The following BMP6 variants were observed in gnomAD, a reference collection of about 807,000 sequenced individuals.
BMP6 encodes VG-1-R.
A neutral mutation model predicts 54.1 loss-of-function variants in BMP6; 17 were observed. The ratio of observed to expected loss-of-function variants is 0.31; its 90% CI spans 0.22 to 0.47. The LOEUF is 0.47. Ranked by LOEUF, BMP6 falls within the 20% of genes least tolerant of loss-of-function variation. The pLI is 1.00. For synonymous variants in BMP6, 328 were observed against 291.2 expected (o/e 1.13, Z -1.28); for missense variants, 720 against 690.4 (o/e 1.04, Z -0.48).
intron 1 of BMP6, among the ~76,000 whole-genome samples, chr6:7,779,687 A>T (rs530402255): frequency 6.6e-6 from 1 of 152,176 alleles, no homozygotes; most frequent in Non-Finnish European, 1.5e-5. Context: ...TTACTCTTAC[A>T]TAGAACATTC....
chr6:7,733,342 A>G (rs1234563643), intron 1 of BMP6, among the ~76,000 whole-genome samples: 1 of 152,234 alleles, frequency 6.6e-6, no homozygotes, highest in African/African-American at 2.4e-5. Context: ...AGTAGTGGGA[A>G]GAAAAGTAGA....
chr6:7,777,141 T>C (rs887222498), intron 1 of BMP6, among the ~76,000 whole-genome samples: 1 of 152,292 alleles, frequency 6.6e-6, no homozygotes, highest in Middle Eastern at 3.4e-3. Flanking sequence ...AGCAAGGATA[T>C]CTTCCACCTG....
intron 1 of BMP6, among the ~76,000 whole-genome samples, chr6:7,824,487 A>C (rs1758662051): frequency 1.3e-5 from 2 of 152,184 alleles, no homozygotes; most frequent in South Asian, 4.1e-4. Context: ...GTGATCTTTT[A>C]GTTTATCTCA....
At chr6:7,835,835 A>ATT (rs70982111) in intron 1 of BMP6, among the ~76,000 whole-genome samples, 186 of 146,784 alleles carry the variant, frequency 1.3e-3, no homozygotes, top group African/African-American at 3.4e-3. Flanking sequence ...CATCTCCCCA[A>ATT]TTTTTTTTTT....
chr6:7,745,943 A>G (rs899443566), intron 1 of BMP6, among the ~76,000 whole-genome samples: 2 of 151,820 alleles, frequency 1.3e-5, no homozygotes, highest in Admixed American at 1.3e-4. Context: ...ATTCCAGCCT[A>G]GGTGGCAAGA....
At chr6:7,734,095 G>T (rs926125186) in intron 1 of BMP6, among the ~76,000 whole-genome samples, 1 of 152,144 alleles carries the variant, frequency 6.6e-6, no homozygotes, top group East Asian at 1.9e-4. Flanking sequence ...ATGTGAATAT[G>T]TAGTATTTCA....
chr6:7,823,689 AGCT>A (rs1475098034), intron 1 of BMP6, among the ~76,000 whole-genome samples: 5 of 152,142 alleles, frequency 3.3e-5, no homozygotes, highest in African/African-American at 1.2e-4. Context: ...GGAGAGAGAA[AGCT>A]GTGTGGCTGT....
intron 1 of BMP6, among the ~76,000 whole-genome samples, chr6:7,794,484 C>T (rs1003541398): frequency 5.9e-5 from 9 of 151,774 alleles, no homozygotes; most frequent in African/African-American, 2.2e-4. Flanking sequence ...CCTTTAGACC[C>T]AGCTCCTCCA....
chr6:7,783,549 G>A (rs926521914), intron 1 of BMP6, among the ~76,000 whole-genome samples: 20 of 152,326 alleles, frequency 1.3e-4, no homozygotes, highest in African/African-American at 3.4e-4. Context: ...AAAACAATTC[G>A]TAAGAACTAT....
rs1270040536 is a variant in BMP6 at position 7,727,553 on chromosome 6, C to G, written c.598C>G (p.Leu200Val). 1 of 1,593,772 alleles carries G rather than the reference C, an allele frequency of 6.3e-7. No homozygotes were observed. The highest frequency in any genetic ancestry group is 1.3e-5 in the African/African-American group (1 of 74,496). The change falls in exon 1 of 7, where the codon CTG becomes GTG. Residue 200 changes from leucine to valine, a missense_variant. Physicochemically the swap from Leu to Val is conservative, Grantham distance 32. This residue lies in a region of BMP6 where 650 missense variants were observed against 556.3 expected (regional missense o/e 1.17). Coordinates refer to ENST00000283147, the MANE Select transcript of BMP6 (RefSeq NM_001718.6). Reference protein sequence around the residue: ...PGSGSGGASPLTSAQDSAFLN... With the variant: ...PGSGSGGASPVTSAQDSAFLN... ...ATCTGGCAGCGGCGGCGCGTCCCCA[C>G]TGACCAGCGCGCAGGACAGCGCCTT...
intron 1 of BMP6, among the ~76,000 whole-genome samples, chr6:7,800,999 G>T (rs1467430230): frequency 6.6e-5 from 10 of 151,978 alleles, no homozygotes; most frequent in Non-Finnish European, 4.4e-5. Context: ...CTTGCTGCAG[G>T]TACCTAAGTT....
intron 1 of BMP6, among the ~76,000 whole-genome samples, chr6:7,784,156 G>C (rs944179656): frequency 6.6e-5 from 10 of 151,956 alleles, no homozygotes; most frequent in African/African-American, 2.4e-4. Context: ...TTTATTTCTA[G>C]CCTGCTTACT....
chr6:7,856,251 T>C (rs946695846), intron 2 of BMP6, among the ~76,000 whole-genome samples: 5 of 152,220 alleles, frequency 3.3e-5, no homozygotes, highest in African/African-American at 1.2e-4. Flanking sequence ...TTCAAATATA[T>C]GATGCCTTTT....
Position 7,759,702 on chromosome 6 carries a change from T to C in BMP6, c.664+32083T>C, listed in dbSNP as rs1250153624. ...GACTAATTTCTTTCTTCTTCTTTTT[T>C]TTTTTTTTTTTTTTTTTTGGAGACT... On this transcript the variant is annotated intron_variant, in intron 1 of 6. Coordinates refer to ENST00000283147, the MANE Select transcript of BMP6 (RefSeq NM_001718.6). 3.7e-3 allele frequency among the ~76,000 whole-genome samples: 467 copies of C among 126,724 alleles called. 4 individuals carry two copies. The highest frequency in any genetic ancestry group is 0.014 in the African/African-American group (443 of 31,206). 83.1% of individuals were successfully genotyped at this position (126,724 alleles called of 152,430 possible). A position where few individuals can be genotyped will look rare whatever the true frequency, so the allele number is the denominator to read the frequency against.
chr6:7,873,446 G>A (rs115905769), intron 4 of BMP6, among the ~76,000 whole-genome samples: 2,147 of 152,250 alleles, frequency 0.014, 48 homozygotes, highest in African/African-American at 0.049. Context: ...TGGGTGCACC[G>A]TCCTCTTGAA....
At chr6:7,733,568 C>T (rs1000200474) in intron 1 of BMP6, among the ~76,000 whole-genome samples, 7 of 152,192 alleles carry the variant, frequency 4.6e-5, no homozygotes, top group Non-Finnish European at 8.8e-5. Context: ...CTGCTCCAGC[C>T]GCAGGGTGTC....
intron 4 of BMP6, among the ~76,000 whole-genome samples, chr6:7,867,538 A>T (rs12527675): frequency 6.6e-6 from 1 of 152,236 alleles, no homozygotes; most frequent in Non-Finnish European, 1.5e-5. Context: ...GGGTCGGTCC[A>T]CCATGGACAT....
intron 4 of BMP6, among the ~76,000 whole-genome samples, chr6:7,867,976 T>A (rs1371953353): frequency 6.6e-6 from 1 of 152,200 alleles, no homozygotes; most frequent in African/African-American, 2.4e-5. Context: ...TACCGTGAGA[T>A]GCCTAAGTCA....
chr6:7,880,092 G>A lies in BMP6; in HGVS notation c.1383G>A (p.Val461=), dbSNP rs142355450. 7 of 1,614,178 alleles carry A rather than the reference G, an allele frequency of 4.3e-6. No homozygotes were observed. The South Asian group carries it at 5.5e-5, about 13-fold the overall frequency. Residue 461 remains valine (V), a synonymous_variant, in exon 6 of 7, where the codon GTG becomes GTA. Transcript: ENST00000283147. ...TGAATGCAACCAACCACGCGATTGT[G>A]CAGACCTTGGTGAGCTCTCGGAGAC... is the stretch of plus-strand genomic sequence containing the variant. ...AHMNATNHAI[V]QTLVHLMNPE...
Sources: allele counts gnomAD v4.1 joint callset (sites outside exome capture counted in the v4.1 genomes callset), GRCh38; gene constraint gnomAD v4.1.1; regional missense constraint gnomAD v4.1.1; transcripts MANE v1.5; gene names NCBI Gene and HGNC (gene_info 2026-07-23, HGNC 2026-07-21).